TMEM117: variants seen among roughly 807,000 people sequenced by gnomAD.
The protein encoded by TMEM117 is transmembrane protein 117.
In TMEM117, 27 loss-of-function variants were observed where a neutral mutation model predicts 52.4. That is an observed-to-expected ratio of 0.51 (90% confidence interval 0.38 to 0.71). TMEM117 has a LOEUF of 0.71. TMEM117 is among the 30% of genes least tolerant of loss of function. The pLI, the probability that TMEM117 is intolerant of heterozygous loss-of-function variation, is 0.00. For missense variants in TMEM117, 556 were observed against 630.5 expected, an observed-to-expected ratio of 0.88 and a Z score of 1.26; for synonymous variants, 215 against 206.3, an observed-to-expected ratio of 1.04 and a Z score of -0.36.
At chr12:43,869,404 A>C (rs1194733320) in intron 2 of TMEM117, among the ~76,000 whole-genome samples, 1 of 152,206 alleles carries the variant, frequency 6.6e-6, no homozygotes, top group Non-Finnish European at 1.5e-5. Context: ...CCTGTCAGAG[A>C]TGTGATTCAT....
chr12:44,076,407 A>G (rs1482519664), intron 3 of TMEM117, among the ~76,000 whole-genome samples: 1 of 152,212 alleles, frequency 6.6e-6, no homozygotes, highest in South Asian at 2.1e-4. Flanking sequence ...ATCATACTTG[A>G]ACACCAAAGG....
At chr12:44,039,330 T>A (rs949008133) in intron 3 of TMEM117, among the ~76,000 whole-genome samples, 14 of 151,080 alleles carry the variant, frequency 9.3e-5, no homozygotes, top group African/African-American at 3.4e-4. Context: ...ATTTTATTAA[T>A]CACTATACCC....
intron 3 of TMEM117, among the ~76,000 whole-genome samples, chr12:44,048,316 CCTTT>C (rs1454478758): frequency 2.0e-5 from 3 of 151,942 alleles, no homozygotes; most frequent in East Asian, 1.9e-4. Context: ...CTTCATTGAT[CCTTT>C]CTAAGTTTTG....
chr12:44,310,775 A>G (rs553408730), intron 6 of TMEM117, among the ~76,000 whole-genome samples: 55 of 152,290 alleles, frequency 3.6e-4, no homozygotes, highest in African/African-American at 1.1e-3. Context: ...ATTACAGATG[A>G]TTCTTGCAAT....
chr12:43,896,076 C>A (rs778261941), intron 2 of TMEM117, among the ~76,000 whole-genome samples: 1 of 152,306 alleles, frequency 6.6e-6, no homozygotes, highest in East Asian at 1.9e-4. Flanking sequence ...TTTGGCAGCA[C>A]CCTTAAAGAC....
chr12:44,291,090 A>G (rs1592669932), intron 5 of TMEM117, among the ~76,000 whole-genome samples: 1 of 152,160 alleles, frequency 6.6e-6, no homozygotes, highest in African/African-American at 2.4e-5. Context: ...GGTAATATGG[A>G]TATTTTAGCA....
chr12:44,296,954 G>A (rs1336941684), intron 5 of TMEM117, among the ~76,000 whole-genome samples: 1 of 152,144 alleles, frequency 6.6e-6, no homozygotes, highest in Non-Finnish European at 1.5e-5. Context: ...CTGGCAACTG[G>A]GTACAAGCCT....
intron 2 of TMEM117, among the ~76,000 whole-genome samples, chr12:43,902,346 A>G (rs1944317445): frequency 6.6e-6 from 1 of 152,250 alleles, no homozygotes; most frequent in South Asian, 2.1e-4. Context: ...GAAATGAGCA[A>G]GGGACCCAGT....
chr12:43,903,213 A>G lies in TMEM117; in HGVS notation c.278-40997A>G, dbSNP rs181953067. ...GTACAAGTCAAGAAAAGTGGATGCC[A>G]TGAAATTATGAAAAGTATAATCTGA... On this transcript the variant is annotated intron_variant, in intron 2 of 7. Coordinates refer to ENST00000266534, the MANE Select transcript of TMEM117 (RefSeq NM_032256.3). 1.8e-3 allele frequency among the ~76,000 whole-genome samples: 278 copies of G among 152,366 alleles called. 5 individuals are homozygous for G. The highest frequency in any genetic ancestry group is 0.014 in the Middle Eastern group (4 of 294).
intron 6 of TMEM117, among the ~76,000 whole-genome samples, chr12:44,367,898 C>A (rs150360937): frequency 0.038 from 5,745 of 152,254 alleles, 137 homozygotes; most frequent in Admixed American, 0.054. Context: ...ATCCGACCAC[C>A]TGGCCACCCT....
chr12:44,289,248 TG>T (rs1950673224), intron 5 of TMEM117, among the ~76,000 whole-genome samples: 1 of 144,134 alleles, frequency 6.9e-6, no homozygotes, highest in Non-Finnish European at 1.5e-5. Flanking sequence ...TGTGTGTGTG[TG>T]TGTGTGTGTG....
chr12:44,271,991 A>G (rs992308331), intron 5 of TMEM117, among the ~76,000 whole-genome samples: 2 of 152,146 alleles, frequency 1.3e-5, no homozygotes, highest in African/African-American at 2.4e-5. Flanking sequence ...AAAAATGCCC[A>G]ACATCTCTAA....
intron 3 of TMEM117, among the ~76,000 whole-genome samples, chr12:44,071,007 G>A (rs964587410): frequency 5.9e-5 from 9 of 152,170 alleles, no homozygotes; most frequent in Admixed American, 1.3e-4. Flanking sequence ...GAATTCAGGG[G>A]TAGAGTATAT....
chr12:44,063,203 C>T (rs1250069222), intron 3 of TMEM117, among the ~76,000 whole-genome samples: 2 of 152,030 alleles, frequency 1.3e-5, no homozygotes, highest in African/African-American at 2.4e-5. Flanking sequence ...ACTGTATATG[C>T]GTATTTCTTC....
At chr12:44,259,579 C>T (rs1372332104) in intron 5 of TMEM117, among the ~76,000 whole-genome samples, 1 of 152,052 alleles carries the variant, frequency 6.6e-6, no homozygotes, top group African/African-American at 2.4e-5. Context: ...GTAAAAGTTA[C>T]ACAAGACTTC....
chr12:44,264,830 G>A (rs1302647161), intron 5 of TMEM117, among the ~76,000 whole-genome samples: 1 of 151,916 alleles, frequency 6.6e-6, no homozygotes, highest in Non-Finnish European at 1.5e-5. Context: ...ATAATAACTA[G>A]CATATACTAC....
At chr12:43,839,998 G>T (rs562711663) in intron 1 of TMEM117, among the ~76,000 whole-genome samples, 16 of 152,148 alleles carry the variant, frequency 1.1e-4, no homozygotes, top group South Asian at 2.1e-4. Flanking sequence ...CAGTGTTCCA[G>T]CCACACAGAA....
At chr12:43,933,751 C>T (rs749783043) in intron 2 of TMEM117, among the ~76,000 whole-genome samples, 6 of 151,854 alleles carry the variant, frequency 4.0e-5, no homozygotes, top group African/African-American at 7.3e-5. Flanking sequence ...TTAGTAGAGA[C>T]GGGGTTTCAC....
chr12:44,218,490 C>A (rs1390934123), intron 5 of TMEM117, among the ~76,000 whole-genome samples: 2 of 152,090 alleles, frequency 1.3e-5, no homozygotes, highest in Admixed American at 1.3e-4. Context: ...ACCCTCAACA[C>A]GATAAAGGTC....
Sources: allele counts gnomAD v4.1 joint callset (sites outside exome capture counted in the v4.1 genomes callset), GRCh38; gene constraint gnomAD v4.1.1; transcripts MANE v1.5; gene names NCBI Gene and HGNC (gene_info 2026-07-23, HGNC 2026-07-21).